Variants in TTC39C observed in about 807,000 individuals in gnomAD.
TTC39C encodes the protein tetratricopeptide repeat protein 39C.
In TTC39C, 33 loss-of-function variants were observed where a neutral mutation model predicts 76.3. That is an observed-to-expected ratio of 0.43 (90% confidence interval 0.33 to 0.58). The LOEUF is 0.58. TTC39C is among the 20% of genes least tolerant of loss of function. TTC39C has a pLI of 0.04. For missense variants in TTC39C, 595 were observed against 701.4 expected (o/e 0.85, Z 1.71); for synonymous variants, 254 against 260.6 (o/e 0.97, Z 0.24).
At chr18:24,128,431 A>C (rs1470629977) in intron 10 of TTC39C, among the ~76,000 whole-genome samples, 2 of 149,410 alleles carry the variant, frequency 1.3e-5, no homozygotes, top group Non-Finnish European at 3.0e-5. Flanking sequence ...ATAAAATATA[A>C]ATATGTATAT....
chr18:24,094,184 T>G (rs765638847), intron 6 of TTC39C, among the ~76,000 whole-genome samples: 2 of 152,206 alleles, frequency 1.3e-5, no homozygotes, highest in African/African-American at 4.8e-5. Flanking sequence ...ACCATTTTCT[T>G]TTCTCACTCA....
intron 10 of TTC39C, among the ~76,000 whole-genome samples, chr18:24,127,903 A>C (rs927695285): frequency 6.6e-6 from 1 of 152,088 alleles, no homozygotes. Context: ...GCTTCCCAGA[A>C]TCCTCTGTGG....
intron 10 of TTC39C, among the ~76,000 whole-genome samples, chr18:24,128,537 C>CA (rs1203674055): frequency 6.6e-6 from 1 of 152,096 alleles, no homozygotes; most frequent in East Asian, 1.9e-4. Context: ...TCAGCTCCAT[C>CA]ATGTTTCCAT....
Position 24,022,736 on chromosome 18 carries a change from C to T in TTC39C, c.167+7698C>T. 4.1e-6 allele frequency: 4 copies of T among 985,406 alleles called. No individual in the cohort carries two copies. In the South Asian group the frequency reaches 1.9e-4, roughly 46 times the overall value. 61.0% of individuals were successfully genotyped at this position (985,406 alleles called of 1,614,324 possible). A position where few individuals can be genotyped will look rare whatever the true frequency, so the allele number is the denominator to read the frequency against. ...CAGTCTTGTGTAGGATAAAGCCCAG[C>T]CTCCTGGCCTGGCCTCCGATGTCCT... On this transcript the variant is annotated intron_variant, in intron 1 of 13. Transcript: ENST00000317571.
At chr18:24,080,445 T>C (rs1371767531) in intron 4 of TTC39C, 140 bp from the exon 5 acceptor site, 2 of 639,142 alleles carry the variant, frequency 3.1e-6, no homozygotes, top group Non-Finnish European at 5.3e-6. Flanking sequence ...ATAAGAACAC[T>C]GGGTACAACA....
intron 8 of TTC39C, among the ~76,000 whole-genome samples, chr18:24,119,871 C>T (rs1206649125): frequency 1.3e-5 from 2 of 152,126 alleles, no homozygotes; most frequent in Non-Finnish European, 2.9e-5. Context: ...AATTGGGCCG[C>T]ACAGTCGATG....
intron 8 of TTC39C, among the ~76,000 whole-genome samples, chr18:24,118,607 A>C (rs937426793): frequency 6.6e-6 from 1 of 150,968 alleles, no homozygotes; most frequent in Non-Finnish European, 1.5e-5. Flanking sequence ...TTTTATTGGG[A>C]TTCTGAAGAA....
chr18:24,113,770 G>A, intron 6 of TTC39C: 3 of 688,982 alleles, frequency 4.4e-6, no homozygotes, highest in Non-Finnish European at 7.9e-6. Flanking sequence ...CATCGTGTTG[G>A]CAGACCCTGA....
At chr18:24,055,294 T>G (rs190988749) in intron 1 of TTC39C, among the ~76,000 whole-genome samples, 61 of 152,332 alleles carry the variant, frequency 4.0e-4, no homozygotes, top group African/African-American at 1.4e-3. Context: ...GTAATTCTAT[T>G]TTTTCAGAAA....
chr18:24,011,424 A>G (rs192209882), upstream of TTC39C, among the ~76,000 whole-genome samples: 1 of 152,340 alleles, frequency 6.6e-6, no homozygotes, highest in African/African-American at 2.4e-5. Flanking sequence ...GAGCTTCCAA[A>G]AACCTTTTGG....
intron 1 of TTC39C, among the ~76,000 whole-genome samples, chr18:24,007,150 AAAAC>A (rs1342250856): frequency 6.6e-6 from 1 of 152,222 alleles, no homozygotes; most frequent in Non-Finnish European, 1.5e-5. Context: ...ACCCCAGAGC[AAAAC>A]ATAAGTGACT....
At position 24,128,869 on chromosome 18, in the gene TTC39C, C is replaced by T; in HGVS notation, c.1421-17C>T. The T allele has an allele frequency of 6.2e-7, 1 of 1,606,116 alleles. No individual in the cohort carries two copies. Among genetic ancestry groups the T allele is most frequent in the Non-Finnish European group, 8.5e-7 (1 of 1,174,394 alleles). On this transcript the variant is annotated splice_polypyrimidine_tract_variant and intron_variant, in intron 10 of 13. Coordinates refer to ENST00000317571, the MANE Select transcript of TTC39C (RefSeq NM_001135993.2). ...ATGCATTTGCTTACTGCTCTGTTCA[C>T]TCCCCTTCTTTTTAAGCTTGCCATG...
At chr18:24,012,781 A>G (rs1316920578), upstream of TTC39C, 2 of 151,878 alleles carry the variant, frequency 1.3e-5, no homozygotes, top group African/African-American at 4.8e-5. Context: ...CTCCATGCCA[A>G]TGGCCTCATG....
intron 1 of TTC39C, chr18:24,022,436 G>A (rs921352516): frequency 6.5e-5 from 20 of 306,290 alleles, no homozygotes; most frequent in South Asian, 1.3e-4. Flanking sequence ...ATGTGAAGTG[G>A]CCCAACTCGG....
chr18:24,006,204 G>T (rs1222721183), intron 1 of TTC39C, among the ~76,000 whole-genome samples: 1 of 151,820 alleles, frequency 6.6e-6, no homozygotes, highest in Non-Finnish European at 1.5e-5. Context: ...ATAGAGTTGG[G>T]GTTTTGCTAT....
At chr18:24,093,602 A>G (rs2084554765) in intron 6 of TTC39C, among the ~76,000 whole-genome samples, 2 of 152,310 alleles carry the variant, frequency 1.3e-5, no homozygotes, top group Non-Finnish European at 2.9e-5. Flanking sequence ...ATATACAGGC[A>G]TACATCAGAG....
At chr18:24,044,247 A>G (rs1243954763) in intron 1 of TTC39C, among the ~76,000 whole-genome samples, 1 of 152,136 alleles carries the variant, frequency 6.6e-6, no homozygotes, top group East Asian at 1.9e-4. Context: ...AGAGGGGTGG[A>G]TGTGCAGAGG....
At chr18:24,025,858 C>T (rs960641141) in intron 1 of TTC39C, among the ~76,000 whole-genome samples, 2 of 152,198 alleles carry the variant, frequency 1.3e-5, no homozygotes, top group Non-Finnish European at 2.9e-5. Flanking sequence ...AGGGAAGAGG[C>T]TGCCCAGGCT....
intron 5 of TTC39C, among the ~76,000 whole-genome samples, chr18:24,081,810 A>C (rs1599307330): frequency 6.6e-6 from 1 of 152,210 alleles, no homozygotes; most frequent in Middle Eastern, 3.4e-3. Context: ...TCCTTTATTA[A>C]TGTGAATTAA....
Sources: gnomAD v4.1 joint callset for allele counts (sites outside exome capture counted in the v4.1 genomes callset) on GRCh38, gnomAD v4.1.1 for gene constraint, MANE v1.5 for transcripts, NCBI Gene and HGNC (gene_info 2026-07-23, HGNC 2026-07-21) for gene names.